IBTK: variants seen among roughly 807,000 people sequenced by gnomAD.
IBTK encodes BTK-binding protein.
A neutral mutation model predicts 154.9 loss-of-function variants in IBTK; 83 were observed. The observed-to-expected ratio is 0.54, with a 90% confidence interval of 0.45 to 0.64. The LOEUF (loss-of-function observed/expected upper bound fraction) is 0.64, where lower values mean the gene tolerates loss of function less well. IBTK is among the 30% of genes least tolerant of loss of function. The pLI, the probability that IBTK is intolerant of heterozygous loss-of-function variation, is 0.00. For missense variants in IBTK, 1,332 were observed against 1,584.6 expected (o/e 0.84, Z 2.71); for synonymous variants, 515 against 536.1 (o/e 0.96, Z 0.54).
intron 1 of IBTK, among the ~76,000 whole-genome samples, chr6:82,246,019 C>T (rs148166573): frequency 3.2e-4 from 49 of 152,224 alleles, no homozygotes; most frequent in African/African-American, 1.1e-3. Context: ...CTTATTATTG[C>T]CCCTGTAAAT....
intron 9 of IBTK, among the ~76,000 whole-genome samples, chr6:82,219,124 TC>T (rs1228360009): frequency 5.9e-5 from 9 of 152,070 alleles, no homozygotes; most frequent in African/African-American, 2.2e-4. Flanking sequence ...TTTTTTTTTT[TC>T]CTTCAACTTT....
Position 82,224,132 on chromosome 6 carries a change from C to A in IBTK, c.879G>T (p.Arg293Ser). Residue 293 changes from arginine to serine, a missense_variant, in exon 7 of 29, where the codon AGG (arginine) becomes AGT (serine). This residue lies in a region of IBTK where 1,134 missense variants were observed against 1,274.7 expected (regional missense o/e 0.89). Transcript: ENST00000306270. ...CTCTAGTCCATAGGACTGTATGAAA[C>A]CTGCCTGCTGCAACGCCAATGATTG... ...GRTIIGVAAGRFHTVLWTREA... is the reference protein window; with the variant it reads ...GRTIIGVAAGSFHTVLWTREA... 6.2e-7 allele frequency: 1 copy of A among 1,614,092 alleles called. No individual in the cohort carries two copies. Among genetic ancestry groups the A allele is most frequent in the Non-Finnish European group, 8.5e-7 (1 of 1,179,958 alleles).
chr6:82,223,795 C>T (rs908905752), intron 7 of IBTK, among the ~76,000 whole-genome samples, 175 bp from the exon 8 acceptor site: 4 of 152,118 alleles, frequency 2.6e-5, no homozygotes, highest in Non-Finnish European at 5.9e-5. Context: ...CCCATCTCTA[C>T]AAAAAATAGC....
chr6:82,234,900 G>A (rs376836213), intron 2 of IBTK, among the ~76,000 whole-genome samples: 9 of 151,836 alleles, frequency 5.9e-5, no homozygotes, highest in African/African-American at 1.4e-4. Context: ...CGCCTTTGTC[G>A]CCCAGGCTGG....
Position 82,204,898 on chromosome 6 carries a change from G to A in IBTK, c.2570C>T (p.Thr857Ile). The change falls in exon 17 of 29, where the codon ACC (threonine) becomes ATC (isoleucine). Residue 857 changes from threonine to isoleucine, a missense_variant. Physicochemically the swap from Thr to Ile is moderately conservative, Grantham distance 89. Coordinates refer to ENST00000306270, the MANE Select transcript of IBTK (RefSeq NM_015525.4). Reference protein sequence around the residue: ...VLVVADQLLITRLKEICEVAL... With the variant: ...VLVVADQLLIIRLKEICEVAL... The stretch of plus-strand genomic sequence containing the variant: ...TACTTCACAAATCTCTTTCAACCGG[G>A]TTATGAGAAGTTGATCAGCCACCAC... 8 of 1,607,978 alleles carry A rather than the reference G, an allele frequency of 5.0e-6. No individual in the cohort carries two copies. Among genetic ancestry groups the A allele is most frequent in the Non-Finnish European group, 6.8e-6 (8 of 1,176,998 alleles).
chr6:82,202,111 A>G (rs1769231700), intron 18 of IBTK, among the ~76,000 whole-genome samples: 1 of 152,158 alleles, frequency 6.6e-6, no homozygotes, highest in African/African-American at 2.4e-5. Context: ...AATCTATGTA[A>G]TGCTTTTAGA....
rs1767902870 is a variant in IBTK at position 82,170,702 on chromosome 6, C to T, written c.*723G>A. On this transcript the variant is annotated 3_prime_UTR_variant, in exon 29 of 29. Coordinates refer to ENST00000306270, the MANE Select transcript of IBTK (RefSeq NM_015525.4). ...TTAGGCATTTTTAAGATCCTCCATCCCACCAAAAATAACCCACAATGACTC... is the reference window on the plus strand; with the variant it reads ...TTAGGCATTTTTAAGATCCTCCATCTCACCAAAAATAACCCACAATGACTC... 1 of 152,108 alleles carries T rather than the reference C, an allele frequency of 6.6e-6. No individual in the cohort carries two copies. The highest frequency in any genetic ancestry group is 1.5e-5 in the Non-Finnish European group (1 of 68,020). 9.4% of individuals were successfully genotyped at this position (152,108 alleles called of 1,614,324 possible).
intron 2 of IBTK, among the ~76,000 whole-genome samples, chr6:82,234,882 C>T (rs772118421): frequency 8.6e-5 from 13 of 151,840 alleles, no homozygotes; most frequent in Non-Finnish European, 1.5e-4. Context: ...GCAGGGGGGA[C>T]GGAATCTCGC....
intron 1 of IBTK, among the ~76,000 whole-genome samples, chr6:82,244,309 CATT>C (rs1486371361): frequency 3.9e-5 from 6 of 152,196 alleles, no homozygotes; most frequent in Non-Finnish European, 4.4e-5. Context: ...CCAAAGAAAT[CATT>C]ATTGCTAAAG....
intron 26 of IBTK, among the ~76,000 whole-genome samples, chr6:82,179,249 C>A (rs1177428558): frequency 3.3e-5 from 5 of 152,188 alleles, no homozygotes; most frequent in Non-Finnish European, 5.9e-5. Flanking sequence ...GACACAAATT[C>A]TTCCTATTTA....
rs1771210617 is a variant in IBTK, at chr6:82,247,697, G to C, written c.-493C>G. ...CAGTCCCCAGACCCGGGTCAGTTCG[G>C]CAGGCGGCTGCAATACAGCCGCTAC... On this transcript the variant is annotated 5_prime_UTR_variant, in exon 1 of 29. Transcript: ENST00000306270. The C allele has an allele frequency of 2.5e-6, 1 of 398,590 alleles. No individual in the cohort carries two copies. Among genetic ancestry groups the C allele is most frequent in the Non-Finnish European group, 4.4e-6 (1 of 226,110 alleles). The allele number at this position is 398,590 out of a possible 1,614,324, so 24.7% of individuals were successfully genotyped here.
intron 26 of IBTK, among the ~76,000 whole-genome samples, chr6:82,180,648 T>C (rs557947251): frequency 1.3e-5 from 2 of 152,326 alleles, no homozygotes; most frequent in East Asian, 3.9e-4. Flanking sequence ...ATTTTCTGTA[T>C]TGCAAGAAAA....
At chr6:82,223,007 C>A (rs1267851878) in intron 8 of IBTK, among the ~76,000 whole-genome samples, 2 of 151,436 alleles carry the variant, frequency 1.3e-5, no homozygotes, top group Non-Finnish European at 2.9e-5. Context: ...AAAAAATATA[C>A]TTATCAGTTA....
At chr6:82,245,548 C>A (rs1337329355) in intron 1 of IBTK, among the ~76,000 whole-genome samples, 1 of 151,542 alleles carries the variant, frequency 6.6e-6, no homozygotes, top group Non-Finnish European at 1.5e-5. Flanking sequence ...CTGAGCGAGA[C>A]TCCTTCTAAA....
intron 2 of IBTK, among the ~76,000 whole-genome samples, chr6:82,235,518 C>T (rs947672728): frequency 2.0e-5 from 3 of 151,918 alleles, no homozygotes; most frequent in African/African-American, 2.4e-5. Flanking sequence ...CACTTGAACC[C>T]GGGACACAGA....
intron 25 of IBTK, among the ~76,000 whole-genome samples, chr6:82,183,194 G>T (rs1768381652): frequency 6.6e-6 from 1 of 152,198 alleles, no homozygotes; most frequent in Non-Finnish European, 1.5e-5. Flanking sequence ...TGGATCGCTT[G>T]AGCCCAGGAG....
At chr6:82,237,821 A>C (rs1450715434) in intron 2 of IBTK, among the ~76,000 whole-genome samples, 2 of 152,150 alleles carry the variant, frequency 1.3e-5, no homozygotes, top group African/African-American at 4.8e-5. Flanking sequence ...AATATTTTTT[A>C]AGTCAAAATT....
intron 13 of IBTK, among the ~76,000 whole-genome samples, chr6:82,211,928 A>G (rs946847272): frequency 6.6e-6 from 1 of 152,198 alleles, no homozygotes; most frequent in African/African-American, 2.4e-5. Context: ...CACAGTTGAA[A>G]CAACTCCACA....
Position 82,211,411 on chromosome 6 carries a change from G to GA in IBTK, c.2375-8dup. On this transcript the variant is annotated splice_region_variant and splice_polypyrimidine_tract_variant and intron_variant, in intron 14 of 28. Transcript: ENST00000306270. ...AGCATACTATGAAAATATTCTAAAA[G>GA]AAAAAAAAGTTCAATGCAATAAGAA... 6.8e-6 allele frequency: 11 copies of GA among 1,607,470 alleles called. No individual in the cohort carries two copies. The highest frequency in any genetic ancestry group is 1.1e-5 in the South Asian group (1 of 89,934).
Sources: gnomAD v4.1 joint callset for allele counts (sites outside exome capture counted in the v4.1 genomes callset) on GRCh38, gnomAD v4.1.1 for gene constraint, gnomAD v4.1.1 regional missense constraint, MANE v1.5 for transcripts, NCBI Gene and HGNC (gene_info 2026-07-23, HGNC 2026-07-21) for gene names.